P2RY14: variants seen among roughly 807,000 people sequenced by gnomAD.
The protein encoded by P2RY14 is P2Y purinoceptor 14.
A neutral mutation model predicts 0.9 loss-of-function variants in P2RY14; 2 were observed. That is an observed-to-expected ratio of 2.16 (90% CI 0.88 to 6.79). The LOEUF (loss-of-function observed/expected upper bound fraction) is 6.79, where lower values mean the gene tolerates loss of function less well. P2RY14 is among the 30% of genes most tolerant of loss of function. The pLI, the probability that P2RY14 is intolerant of heterozygous loss-of-function variation, is 0.05. For synonymous variants in P2RY14, 158 were observed against 147.2 expected (o/e 1.07, Z -0.53); for missense variants, 378 against 400.1 (o/e 0.94, Z 0.47).
chr3:151,259,120 A>G (rs1420198310), intron 1 of P2RY14, among the ~76,000 whole-genome samples: 2 of 152,338 alleles, frequency 1.3e-5, no homozygotes, highest in South Asian at 2.1e-4. Context: ...TTTTTAACAC[A>G]TGGACTGAAA....
intron 2 of P2RY14, among the ~76,000 whole-genome samples, chr3:151,217,883 C>A (rs1728551366): frequency 6.6e-6 from 1 of 151,962 alleles, no homozygotes; most frequent in African/African-American, 2.4e-5. Flanking sequence ...CAGATCAGAG[C>A]AGTAATAGAC....
intron 1 of P2RY14, among the ~76,000 whole-genome samples, chr3:151,272,081 TTGTAATGTGTG>T (rs1323651646): frequency 2.6e-5 from 4 of 152,116 alleles, no homozygotes; most frequent in African/African-American, 9.7e-5. Flanking sequence ...ACAGAGCAGA[TTGTAATGTGTG>T]TGTAAATGGT....
At chr3:151,250,581 G>A (rs1318522991) in intron 1 of P2RY14, among the ~76,000 whole-genome samples, 2 of 152,148 alleles carry the variant, frequency 1.3e-5, no homozygotes, top group Non-Finnish European at 2.9e-5. Context: ...TAAGGTTCAT[G>A]CATTTTGTAG....
At chr3:151,233,592 G>A (rs1732139129) in intron 1 of P2RY14, among the ~76,000 whole-genome samples, 1 of 152,196 alleles carries the variant, frequency 6.6e-6, no homozygotes, top group Non-Finnish European at 1.5e-5. Flanking sequence ...AATTAGCTGG[G>A]CGTGGTGGCA....
intron 1 of P2RY14, among the ~76,000 whole-genome samples, chr3:151,275,326 A>T (rs925951199): frequency 1.3e-4 from 19 of 151,806 alleles, no homozygotes; most frequent in Admixed American, 6.6e-5. Context: ...AGCAGATGTC[A>T]TATAATTGGG....
intron 1 of P2RY14, among the ~76,000 whole-genome samples, chr3:151,234,096 AC>A (rs1732258403): frequency 6.6e-6 from 1 of 152,116 alleles, no homozygotes; most frequent in South Asian, 2.1e-4. Context: ...GCCCTAGAAA[AC>A]TCCTGCAGAT....
intron 1 of P2RY14, among the ~76,000 whole-genome samples, chr3:151,242,130 T>C (rs1037450982): frequency 9.2e-5 from 14 of 152,070 alleles, no homozygotes; most frequent in African/African-American, 1.4e-4. Context: ...CCTACGCCCA[T>C]GGAGTCTCGC....
rs1434743078 is a variant in P2RY14 at position 151,213,073 on chromosome 3, T to A, written c.*227A>T. On this transcript the variant is annotated 3_prime_UTR_variant, in exon 3 of 3. Coordinates refer to ENST00000309170, the MANE Select transcript of P2RY14 (RefSeq NM_014879.4). ...TGAATAATTGTATGTATTAATTTTT[T>A]ATTAATAGAGAATAGAAAGGTCAGT... is the stretch of plus-strand genomic sequence containing the variant. 1 of 306,914 alleles carries A rather than the reference T, an allele frequency of 3.3e-6. No homozygotes were observed. Among genetic ancestry groups the A allele is most frequent in the African/African-American group, 2.2e-5 (1 of 46,246 alleles). 19.0% of individuals were successfully genotyped at this position (306,914 alleles called of 1,614,324 possible). A position where few individuals can be genotyped will look rare whatever the true frequency, so the allele number is the denominator to read the frequency against.
intron 1 of P2RY14, among the ~76,000 whole-genome samples, chr3:151,267,258 C>T (rs1363433853): frequency 6.6e-6 from 1 of 152,016 alleles, no homozygotes; most frequent in East Asian, 1.9e-4. Flanking sequence ...AAGGATTGTA[C>T]ATTGTCATTT....
At chr3:151,256,194 A>G (rs1737784898) in intron 1 of P2RY14, among the ~76,000 whole-genome samples, 1 of 152,234 alleles carries the variant, frequency 6.6e-6, no homozygotes, top group Non-Finnish European at 1.5e-5. Flanking sequence ...ATACATAGCA[A>G]TACATAACTC....
At chr3:151,254,289 C>T (rs890155555) in intron 1 of P2RY14, among the ~76,000 whole-genome samples, 1 of 152,134 alleles carries the variant, frequency 6.6e-6, no homozygotes, top group African/African-American at 2.4e-5. Flanking sequence ...ATTATGTCCA[C>T]AATTTTTGGA....
At chr3:151,236,923 G>A (rs1427689574) in intron 1 of P2RY14, among the ~76,000 whole-genome samples, 6 of 152,016 alleles carry the variant, frequency 3.9e-5, no homozygotes, top group East Asian at 3.8e-4. Context: ...GAGTCATGCC[G>A]AGATGCATAT....
At chr3:151,232,207 C>T (rs1037147554) in intron 1 of P2RY14, among the ~76,000 whole-genome samples, 1 of 152,278 alleles carries the variant, frequency 6.6e-6, no homozygotes, top group South Asian at 2.1e-4. Context: ...TCTATATACT[C>T]CTCTATGCCA....
intron 1 of P2RY14, among the ~76,000 whole-genome samples, chr3:151,224,853 G>A (rs563647607): frequency 6.6e-6 from 1 of 152,090 alleles, no homozygotes; most frequent in Non-Finnish European, 1.5e-5. Context: ...TGTTTATATA[G>A]TGTAACCTTT....
chr3:151,269,823 G>A (rs1028808107), intron 1 of P2RY14: 4 of 432,152 alleles, frequency 9.3e-6, no homozygotes, highest in Non-Finnish European at 1.8e-5. Flanking sequence ...TAATGAAAAC[G>A]TTCCAGTCAA....
chr3:151,263,241 C>T (rs763404053), intron 1 of P2RY14, among the ~76,000 whole-genome samples: 3 of 152,198 alleles, frequency 2.0e-5, no homozygotes, highest in Non-Finnish European at 2.9e-5. Context: ...AGCTATCTTC[C>T]AGTCCTTTGT....
chr3:151,228,883 G>A (rs976163573), intron 1 of P2RY14, among the ~76,000 whole-genome samples: 3 of 152,106 alleles, frequency 2.0e-5, no homozygotes, highest in Non-Finnish European at 4.4e-5. Flanking sequence ...CCTATTCCCT[G>A]GGGCCAGGCA....
chr3:151,243,816 A>G (rs1335806669), intron 1 of P2RY14, among the ~76,000 whole-genome samples: 1 of 151,332 alleles, frequency 6.6e-6, no homozygotes, highest in Non-Finnish European at 1.5e-5. Flanking sequence ...AACGACACAG[A>G]CTGGCAAATT....
At chr3:151,235,101 A>G (rs984066130) in intron 1 of P2RY14, among the ~76,000 whole-genome samples, 2 of 152,232 alleles carry the variant, frequency 1.3e-5, no homozygotes, top group Non-Finnish European at 2.9e-5. Context: ...TTCCTTGTAG[A>G]TGTAGATTAT....
Sources: gnomAD v4.1 joint callset for allele counts (sites outside exome capture counted in the v4.1 genomes callset) on GRCh38, gnomAD v4.1.1 for gene constraint, MANE v1.5 for transcripts, NCBI Gene and HGNC (gene_info 2026-07-23, HGNC 2026-07-21) for gene names.